Variants in FAM149A observed in about 807,000 individuals in gnomAD.
FAM149A encodes the protein family with sequence similarity 149 member A, also known as protein FAM149A.
A neutral mutation model predicts 78.2 loss-of-function variants in FAM149A; 71 were observed. The ratio of observed to expected loss-of-function variants is 0.91; its 90% CI spans 0.75 to 1.11. The LOEUF (loss-of-function observed/expected upper bound fraction) is 1.11. FAM149A is among the 50% of genes least tolerant of loss of function. FAM149A has a pLI of 0.00. For synonymous variants in FAM149A, 446 were observed against 410.5 expected, an observed-to-expected ratio of 1.09 and a Z score of -1.04; for missense variants, 1,036 against 971.0, an observed-to-expected ratio of 1.07 and a Z score of -0.89.
chr4:186,144,729 C>CGGGGCCGGGGCCGGGGCCG lies in FAM149A; in HGVS notation c.567-4426_567-4425insGGGGGCCGGGGCCGGGGCC. ...GCTTTCCCGGAGGTCGGCGCGGGGC[C>CGGGGCCGGGGCCGGGGCCG]GGGGCCGGGGCCGGGGCCCGGAGCG... On this transcript the variant is annotated intron_variant, in intron 1 of 13. Transcript: ENST00000389354. This position sits in a 1 kb window ranked among gnomAD's most constrained non-coding sequence, Gnocchi z 4.2. The CGGGGCCGGGGCCGGGGCCG allele has an allele frequency of 1.4e-6, 1 of 725,240 alleles. No homozygotes were observed. Among genetic ancestry groups the CGGGGCCGGGGCCGGGGCCG allele is most frequent in the Non-Finnish European group, 1.6e-6 (1 of 639,972 alleles). 44.9% of individuals were successfully genotyped at this position (725,240 alleles called of 1,614,324 possible). A position where few individuals can be genotyped will look rare whatever the true frequency, so the allele number is the denominator to read the frequency against.
Position 186,105,634 on chromosome 4 carries a change from T to TG in FAM149A, c.560dup (p.Glu188ArgfsTer10). 9.4e-7 allele frequency: 1 copy of TG among 1,060,652 alleles called. No homozygotes were observed. The highest frequency in any genetic ancestry group is 1.1e-6 in the Non-Finnish European group (1 of 872,556). 65.7% of individuals were successfully genotyped at this position (1,060,652 alleles called of 1,614,324 possible). A position where few individuals can be genotyped will look rare whatever the true frequency, so the allele number is the denominator to read the frequency against. Reference sequence around the variant, plus strand: ...GGGCCTCGGACGGCGACTCCGGGGATGGCGAAGCGTGAGTAGCAGCGTGGT... The same window carrying TG: ...GGGCCTCGGACGGCGACTCCGGGGATGGGCGAAGCGTGAGTAGCAGCGTGGT... On this transcript the variant is annotated frameshift_variant, in exon 1 of 14. Transcript: ENST00000389354. LOFTEE classifies it high-confidence loss of function.
intron 1 of FAM149A, among the ~76,000 whole-genome samples, chr4:186,128,989 G>A (rs1014092971): frequency 6.6e-6 from 1 of 151,706 alleles, no homozygotes; most frequent in African/African-American, 2.4e-5. Flanking sequence ...GTGTGTGTGT[G>A]TCCACGTATG....
At chr4:186,139,814 T>C (rs1050352318) in intron 1 of FAM149A, among the ~76,000 whole-genome samples, 2 of 152,230 alleles carry the variant, frequency 1.3e-5, no homozygotes, top group Non-Finnish European at 2.9e-5. Context: ...TATATGTTTG[T>C]ATTTGCAAAG....
At chr4:186,162,467 G>A (rs1188332724) in intron 8 of FAM149A, among the ~76,000 whole-genome samples, 3 of 152,160 alleles carry the variant, frequency 2.0e-5, no homozygotes, top group African/African-American at 7.2e-5. Flanking sequence ...CAACCTCCGG[G>A]ATCTCAGAGC....
intron 1 of FAM149A, chr4:186,125,675 G>A (rs1272398573): frequency 2.0e-6 from 2 of 982,752 alleles, no homozygotes; most frequent in South Asian, 4.7e-5. Context: ...GCGCTTGGCT[G>A]AAATATGGGG....
At chr4:186,145,081 G>T (rs1732917943) in intron 1 of FAM149A, 1 of 985,302 alleles carries the variant, frequency 1.0e-6, no homozygotes, top group South Asian at 4.7e-5. Context: ...CGCGGGGGCT[G>T]CGAGCACAGG....
rs797005505 is a variant in FAM149A, at chr4:186,136,988, C to T, written c.567-12185C>T. Among the ~76,000 whole-genome samples, 1,022 of 121,268 alleles carry T rather than the reference C, an allele frequency of 8.4e-3. 35 individuals carry two copies. Among genetic ancestry groups the T allele is most frequent in the African/African-American group, 0.029 (930 of 31,890 alleles). 79.6% of individuals were successfully genotyped at this position (121,268 alleles called of 152,430 possible). ...TTTCTCTCTCTCTTTCTCTCTCTCT[C>T]TCTCTCTCTCTCTCTCTCTCTCTCT... On this transcript the variant is annotated intron_variant, in intron 1 of 13. Transcript: ENST00000389354.
At chr4:186,171,814 T>C (rs1402573854) in intron 13 of FAM149A, 100 bp from the exon 14 acceptor site, 15 of 780,702 alleles carry the variant, frequency 1.9e-5, no homozygotes, top group South Asian at 3.8e-5. Flanking sequence ...AAATAAAATA[T>C]ATATTTTAAA....
rs1383360662 is a variant in FAM149A, at chr4:186,174,393, C to T, written c.*2406C>T. The stretch of plus-strand genomic sequence containing the variant: ...TAATGACTTCCAGCTCCAGCCATGC[C>T]TCTGCAAAGGACATAATCTCATTCT... On this transcript the variant is annotated 3_prime_UTR_variant, in exon 14 of 14. Transcript: ENST00000389354. 9.0e-6 allele frequency among the ~76,000 whole-genome samples: 1 copy of T among 111,182 alleles called. No homozygotes were observed. The highest frequency in any genetic ancestry group is 2.2e-4 in the East Asian group (1 of 4,510). The allele number at this position is 111,182 out of a possible 152,430, so 72.9% of individuals were successfully genotyped here.
chr4:186,153,648 A>G lies in FAM149A; in HGVS notation c.936A>G (p.Val312=), dbSNP rs1256874657. Residue 312 remains valine, a synonymous_variant, in exon 5 of 14, where the codon GTA becomes GTG. Transcript: ENST00000389354. Reference sequence around the variant, plus strand: ...TAGCTTCTCTTTGACCTCGCAGAGTATTAGGAAGACAGCTGATCCTGCCCA... The same window carrying G: ...TAGCTTCTCTTTGACCTCGCAGAGTGTTAGGAAGACAGCTGATCCTGCCCA... The G allele has an allele frequency of 1.2e-6, 2 of 1,613,770 alleles. No individual in the cohort carries two copies. Among genetic ancestry groups the G allele is most frequent in the Admixed American group, 1.7e-5 (1 of 59,986 alleles).
At position 186,167,277 on chromosome 4, in the gene FAM149A, A is replaced by G. The variant is rs1166922230; in HGVS notation, c.2218+15A>G. On this transcript the variant is annotated intron_variant, in intron 13 of 13. Coordinates refer to ENST00000389354, the MANE Select transcript of FAM149A (RefSeq NM_001367768.3). ...TATTTTGACAGGTCAGCTTTTCTCC[A>G]TATGTAAATAAAGTGATGTAGTAAG... 8 of 1,600,916 alleles carry G rather than the reference A, an allele frequency of 5.0e-6. No homozygotes were observed. In the Admixed American group the frequency reaches 6.7e-5, roughly 13 times the overall value.
intron 3 of FAM149A, 45 bp downstream of exon 3, chr4:186,149,749 A>G: frequency 8.3e-7 from 1 of 1,205,558 alleles, no homozygotes; most frequent in Middle Eastern, 2.3e-4. Flanking sequence ...TACAGTTTAT[A>G]GTGAAGAGTT....
rs1734774523 is a variant in FAM149A at position 186,163,457 on chromosome 4, G to A, written c.1713G>A (p.Gly571=). The stretch of plus-strand genomic sequence containing the variant: ...AGGAGGACAAAGCATCGGGTGGAGG[G>A]GCAGGTGCTCTCTCCTCCGCACCGC... The change falls in exon 10 of 14, where the codon GGG becomes GGA. Residue 571 remains glycine, a synonymous_variant. Coordinates refer to ENST00000389354, the MANE Select transcript of FAM149A (RefSeq NM_001367768.3). 6.2e-7 allele frequency: 1 copy of A among 1,613,742 alleles called. No homozygotes were observed.
At position 186,167,104 on chromosome 4, in the gene FAM149A, C is replaced by T; in HGVS notation, c.2139+8C>T. 1 of 1,609,118 alleles carries T rather than the reference C, an allele frequency of 6.2e-7. No homozygotes were observed. The highest frequency in any genetic ancestry group is 8.5e-7 in the Non-Finnish European group (1 of 1,176,204). ...ACAACCCACACGTTCCGGGTGGGTT[C>T]TCTGTTTCCTGTAACTTTAATTTTG... is the stretch of plus-strand genomic sequence containing the variant. On this transcript the variant is annotated splice_region_variant and intron_variant, in intron 12 of 13. Coordinates refer to ENST00000389354, the MANE Select transcript of FAM149A (RefSeq NM_001367768.3).
chr4:186,157,944 A>C, intron 8 of FAM149A: 1 of 1,527,008 alleles, frequency 6.5e-7, no homozygotes, highest in Admixed American at 2.0e-5. Flanking sequence ...GGATGTGCTC[A>C]AGTTCCTTGC....
chr4:186,117,880 C>G (rs1309931321), intron 1 of FAM149A: 12 of 977,920 alleles, frequency 1.2e-5, no homozygotes, highest in Non-Finnish European at 1.3e-5. Context: ...CTCCCAAGAC[C>G]GGCAACACAT....
intron 1 of FAM149A, among the ~76,000 whole-genome samples, chr4:186,107,964 G>A (rs2099309474): frequency 6.6e-6 from 1 of 152,180 alleles, no homozygotes; most frequent in Non-Finnish European, 1.5e-5. Context: ...CAAAGGGGAA[G>A]GAAGAAAGTA....
chr4:186,153,097 T>A, intron 4 of FAM149A, among the ~76,000 whole-genome samples: 1 of 152,088 alleles, frequency 6.6e-6, no homozygotes. Context: ...AGATACTAGT[T>A]GTGGATACTC....
chr4:186,146,506 T>C, intron 1 of FAM149A: 1 of 985,082 alleles, frequency 1.0e-6, no homozygotes, highest in Non-Finnish European at 1.2e-6. Context: ...AATTTTCTCC[T>C]TAATTTGAAA....
Sources: gnomAD v4.1 joint callset for allele counts (sites outside exome capture counted in the v4.1 genomes callset) on GRCh38, gnomAD v4.1.1 for gene constraint, Gnocchi (gnomAD v3.1) non-coding constraint, MANE v1.5 for transcripts, NCBI Gene and HGNC (gene_info 2026-07-23, HGNC 2026-07-21) for gene names.